The following MSI2 variants were observed in gnomAD, a reference collection of about 807,000 sequenced individuals.
MSI2 encodes RNA-binding protein Musashi homolog 2.
A neutral mutation model predicts 45.6 loss-of-function variants in MSI2; 17 were observed. The observed-to-expected ratio is 0.37, with a 90% CI of 0.26 to 0.56. The LOEUF is 0.56. Ranked by LOEUF, MSI2 falls within the 20% of genes least tolerant of loss-of-function variation. The pLI, the probability that MSI2 is intolerant of heterozygous loss-of-function variation, is 0.77. For synonymous variants in MSI2, 156 were observed against 158.2 expected (o/e 0.99, Z 0.11); for missense variants, 293 against 444.2 (o/e 0.66, Z 3.06).
intron 7 of MSI2, among the ~76,000 whole-genome samples, chr17:57,595,156 G>A (rs1472239826): frequency 6.6e-6 from 1 of 152,196 alleles, no homozygotes; most frequent in African/African-American, 2.4e-5. Flanking sequence ...GGATGCATGA[G>A]AGTCAGAAGG....
At chr17:57,492,464 G>T (rs1300755973) in intron 6 of MSI2, among the ~76,000 whole-genome samples, 2 of 152,220 alleles carry the variant, frequency 1.3e-5, no homozygotes, top group East Asian at 3.8e-4. Flanking sequence ...AGCTGATGCT[G>T]GATGGGCAAG....
chr17:57,602,213 A>T (rs72834918), intron 8 of MSI2, among the ~76,000 whole-genome samples: 8,339 of 151,452 alleles, frequency 0.055, 315 homozygotes, highest in Non-Finnish European at 0.082. Context: ...TTTTTTTTTT[A>T]ATTTTTTTTT....
chr17:57,447,590 G>C lies in MSI2; in HGVS notation c.405+46119G>C, dbSNP rs558646350. ...GATAAGTATGTGGAGTGGCATGGGT[G>C]GGGGGGGTGTCTCAGGTTTTATAGC... On this transcript the variant is annotated intron_variant, in intron 6 of 13. Transcript: ENST00000284073. 1.9e-3 allele frequency among the ~76,000 whole-genome samples: 222 copies of C among 118,814 alleles called. 1 individual carries two copies. The highest frequency in any genetic ancestry group is 6.3e-3 in the African/African-American group (200 of 31,816). 77.9% of individuals were successfully genotyped at this position (118,814 alleles called of 152,430 possible).
At chr17:57,349,125 G>A (rs1337373949) in intron 5 of MSI2, among the ~76,000 whole-genome samples, 1 of 152,164 alleles carries the variant, frequency 6.6e-6, no homozygotes, top group Non-Finnish European at 1.5e-5. Context: ...CTGACCACTT[G>A]TCTTCTGCCT....
At chr17:57,353,785 A>G (rs1916216796) in intron 5 of MSI2, among the ~76,000 whole-genome samples, 1 of 152,152 alleles carries the variant, frequency 6.6e-6, no homozygotes, top group South Asian at 2.1e-4. Flanking sequence ...TTGGTCCTGG[A>G]TGGTGCAGGG....
At chr17:57,638,097 T>G (rs1181956890) in intron 10 of MSI2, among the ~76,000 whole-genome samples, 2 of 152,236 alleles carry the variant, frequency 1.3e-5, no homozygotes, top group East Asian at 3.8e-4. Context: ...TGTGAAATTC[T>G]AGGCAAAGAG....
chr17:57,535,362 AAGG>A (rs1462833771), intron 7 of MSI2, among the ~76,000 whole-genome samples: 1 of 152,136 alleles, frequency 6.6e-6, no homozygotes, highest in African/African-American at 2.4e-5. Context: ...GCCTAGTTGA[AAGG>A]AGGTGAGGAG....
chr17:57,440,708 A>G (rs146614162), intron 6 of MSI2: 92 of 152,470 alleles, frequency 6.0e-4, no homozygotes, highest in African/African-American at 2.0e-3. Context: ...GCCCCTGTGC[A>G]TGGGTGTGGA....
chr17:57,373,227 C>CAAA (rs35853201), intron 5 of MSI2, among the ~76,000 whole-genome samples: 11 of 147,996 alleles, frequency 7.4e-5, no homozygotes, highest in Middle Eastern at 3.5e-3. Context: ...TCCAGCCTGT[C>CAAA]AAAAAAAAAA....
intron 7 of MSI2, among the ~76,000 whole-genome samples, chr17:57,567,027 T>C (rs1377294568): frequency 2.0e-5 from 3 of 152,214 alleles, no homozygotes; most frequent in African/African-American, 7.2e-5. Flanking sequence ...GATGCTTCCA[T>C]GTAGCAGGGA....
chr17:57,613,778 C>T lies in MSI2; in HGVS notation c.538-2192C>T, dbSNP rs576104158. On this transcript the variant is annotated intron_variant, in intron 8 of 13. Coordinates refer to ENST00000284073, the MANE Select transcript of MSI2 (RefSeq NM_138962.4). ...TTACCCATGTCTGTTTTGGGATGCT[C>T]ATCTCTTTTAATCTATAGAACTCTG... is the stretch of plus-strand genomic sequence containing the variant. 2.6e-5 allele frequency among the ~76,000 whole-genome samples: 4 copies of T among 152,290 alleles called. No homozygotes were observed. In the South Asian group the frequency reaches 8.3e-4, roughly 32 times the overall value.
At chr17:57,391,374 G>T (rs562555131) in intron 5 of MSI2, among the ~76,000 whole-genome samples, 1 of 152,144 alleles carries the variant, frequency 6.6e-6, no homozygotes, top group African/African-American at 2.4e-5. Flanking sequence ...AACGGAGAAC[G>T]TGAGGCTCGG....
intron 5 of MSI2, among the ~76,000 whole-genome samples, chr17:57,344,335 G>A (rs1038035648): frequency 2.0e-5 from 3 of 152,106 alleles, no homozygotes; most frequent in African/African-American, 7.2e-5. Flanking sequence ...TAACAATTTT[G>A]GTGCTCAAAT....
intron 6 of MSI2, among the ~76,000 whole-genome samples, chr17:57,436,191 C>T (rs1043549547): frequency 2.0e-5 from 3 of 152,110 alleles, no homozygotes; most frequent in Admixed American, 6.5e-5. Flanking sequence ...CAGGCGTGGC[C>T]GTGGGCAAGC....
chr17:57,482,002 C>T (rs937737010), intron 6 of MSI2, among the ~76,000 whole-genome samples: 4 of 152,152 alleles, frequency 2.6e-5, no homozygotes, highest in East Asian at 1.9e-4. Flanking sequence ...AAGATGGAGG[C>T]GAGTCAGTCC....
intron 12 of MSI2, among the ~76,000 whole-genome samples, chr17:57,675,514 AG>A (rs1913165720): frequency 1.3e-5 from 2 of 152,226 alleles, no homozygotes; most frequent in Non-Finnish European, 2.9e-5. Context: ...GGCACGTAAT[AG>A]GGCCTCAGTA....
At chr17:57,393,800 G>T (rs1312041255) in intron 5 of MSI2, among the ~76,000 whole-genome samples, 1 of 152,184 alleles carries the variant, frequency 6.6e-6, no homozygotes. Context: ...TCCTGCCTCA[G>T]CCTCCCAAGT....
intron 5 of MSI2, among the ~76,000 whole-genome samples, chr17:57,297,087 C>A (rs1911024988): frequency 6.6e-6 from 1 of 151,690 alleles, no homozygotes; most frequent in Non-Finnish European, 1.5e-5. Flanking sequence ...CTTGGCCAGG[C>A]TGGTCTTGAA....
intron 6 of MSI2, among the ~76,000 whole-genome samples, chr17:57,492,402 A>G (rs1445662629): frequency 1.3e-5 from 2 of 152,228 alleles, no homozygotes; most frequent in Non-Finnish European, 2.9e-5. Flanking sequence ...ACCTTGTAGC[A>G]TTTGACCAGA....
Sources: gnomAD v4.1 joint callset for allele counts (sites outside exome capture counted in the v4.1 genomes callset) on GRCh38, gnomAD v4.1.1 for gene constraint, MANE v1.5 for transcripts, NCBI Gene and HGNC (gene_info 2026-07-23, HGNC 2026-07-21) for gene names.